PRKCA: variants seen among roughly 807,000 people sequenced by gnomAD.
PRKCA encodes the protein protein kinase C alpha type.
In PRKCA, 27 loss-of-function variants were observed where a neutral mutation model predicts 87.0. The ratio of observed to expected loss-of-function variants is 0.31; its 90% CI spans 0.23 to 0.43. The LOEUF is 0.43. Ranked by LOEUF, PRKCA falls within the 20% of genes least tolerant of loss-of-function variation. The probability of loss-of-function intolerance (pLI) is 1.00; values close to 1 mark genes in which losing one functional copy is unlikely to be tolerated. For missense variants in PRKCA, 518 were observed against 852.3 expected (o/e 0.61, Z 4.88); for synonymous variants, 329 against 311.1 (o/e 1.06, Z -0.61).
chr17:66,673,346 C>G (rs1281562400), intron 5 of PRKCA, among the ~76,000 whole-genome samples: 1 of 152,180 alleles, frequency 6.6e-6, no homozygotes, highest in South Asian at 2.1e-4. Context: ...CAGAAATTCA[C>G]TCTTATCACC....
chr17:66,364,604 T>C lies in PRKCA; in HGVS notation c.205+58477T>C, dbSNP rs549357630. The stretch of plus-strand genomic sequence containing the variant: ...TACCAGAAAAAGTAGCAAAAGTCAA[T>C]GTGATTGAAGTAGGGGGAGTGCGGG... On this transcript the variant is annotated intron_variant, in intron 2 of 16. Transcript: ENST00000413366. Among the ~76,000 whole-genome samples, 9 of 152,082 alleles carry C rather than the reference T, an allele frequency of 5.9e-5. No homozygotes were observed. In the South Asian group the frequency reaches 1.9e-3, roughly 32 times the overall value.
At chr17:66,514,501 G>C (rs1244339892) in intron 3 of PRKCA, among the ~76,000 whole-genome samples, 1 of 152,140 alleles carries the variant, frequency 6.6e-6, no homozygotes, top group Admixed American at 6.5e-5. Flanking sequence ...GCAGCGACTT[G>C]AACTGAATAG....
At chr17:66,411,388 A>G (rs1911796590) in intron 2 of PRKCA, among the ~76,000 whole-genome samples, 1 of 152,100 alleles carries the variant, frequency 6.6e-6, no homozygotes, top group Non-Finnish European at 1.5e-5. Flanking sequence ...AAGTCTTTAA[A>G]AACAGCAGTC....
At chr17:66,530,892 C>T (rs553374151) in intron 3 of PRKCA, among the ~76,000 whole-genome samples, 1 of 152,150 alleles carries the variant, frequency 6.6e-6, no homozygotes, top group Non-Finnish European at 1.5e-5. Flanking sequence ...CTACCTTGCC[C>T]CTGGTATGGA....
rs1177317680 is a variant in PRKCA, at chr17:66,758,291, A to C, written c.1524+15531A>C. ...AAGGGCTCTTTGCTTTCACAGAATC[A>C]TGCCAGGGTTTGTGTGTCAGAGTGG... On this transcript the variant is annotated intron_variant, in intron 13 of 16. Transcript: ENST00000413366. 1.1e-4 allele frequency among the ~76,000 whole-genome samples: 17 copies of C among 152,228 alleles called. 1 individual carries two copies. Among genetic ancestry groups the C allele is most frequent in the Non-Finnish European group, 2.2e-4 (15 of 68,040 alleles).
At chr17:66,386,055 C>A (rs554081952) in intron 2 of PRKCA, among the ~76,000 whole-genome samples, 1 of 152,336 alleles carries the variant, frequency 6.6e-6, no homozygotes, top group East Asian at 1.9e-4. Flanking sequence ...CCACCGCGCC[C>A]AGCCAGGCAC....
intron 2 of PRKCA, among the ~76,000 whole-genome samples, chr17:66,469,681 G>A (rs537115204): frequency 6.6e-6 from 1 of 152,236 alleles, no homozygotes; most frequent in African/African-American, 2.4e-5. Context: ...TTGTATTATT[G>A]AGGAAACATT....
chr17:66,407,291 T>A (rs1247559070), intron 2 of PRKCA, among the ~76,000 whole-genome samples: 2 of 151,876 alleles, frequency 1.3e-5, no homozygotes, highest in African/African-American at 2.4e-5. Context: ...CCTTTGTGGA[T>A]GGTTTAGCAC....
At chr17:66,318,418 T>G (rs1905443583) in intron 2 of PRKCA, among the ~76,000 whole-genome samples, 1 of 152,152 alleles carries the variant, frequency 6.6e-6, no homozygotes, top group Admixed American at 6.5e-5. Context: ...TTTTTCTTTT[T>G]TACTTATTTT....
intron 2 of PRKCA, among the ~76,000 whole-genome samples, chr17:66,424,439 C>T (rs998832658): frequency 2.6e-5 from 4 of 151,904 alleles, no homozygotes; most frequent in African/African-American, 9.7e-5. Flanking sequence ...ATGATGGCGG[C>T]ATCTGTAATC....
chr17:66,756,354 G>A (rs1974547633), intron 13 of PRKCA, among the ~76,000 whole-genome samples: 1 of 151,932 alleles, frequency 6.6e-6, no homozygotes. Context: ...AGAGGAGAGG[G>A]GGGAGACCAA....
chr17:66,650,265 G>C (rs1971556870), intron 5 of PRKCA, among the ~76,000 whole-genome samples: 1 of 152,180 alleles, frequency 6.6e-6, no homozygotes, highest in Admixed American at 6.5e-5. Flanking sequence ...CTAGCTTGGT[G>C]GGGTATTTAT....
intron 3 of PRKCA, among the ~76,000 whole-genome samples, chr17:66,511,241 G>T (rs573275994): frequency 2.8e-4 from 42 of 152,198 alleles, no homozygotes; most frequent in African/African-American, 8.9e-4. Context: ...TTTCATACTC[G>T]AAAATGATCT....
At chr17:66,443,254 A>AT (rs1319994734) in intron 2 of PRKCA, among the ~76,000 whole-genome samples, 2 of 152,116 alleles carry the variant, frequency 1.3e-5, no homozygotes, top group Non-Finnish European at 2.9e-5. Context: ...TGTTATAATG[A>AT]TGAGGGGGCC....
intron 5 of PRKCA, among the ~76,000 whole-genome samples, chr17:66,658,718 T>C (rs914989966): frequency 6.6e-6 from 1 of 152,202 alleles, no homozygotes; most frequent in Non-Finnish European, 1.5e-5. Flanking sequence ...TGTTACTCTA[T>C]TAATGGAGTT....
chr17:66,443,423 G>A (rs933278105), intron 2 of PRKCA, among the ~76,000 whole-genome samples: 1 of 152,222 alleles, frequency 6.6e-6, no homozygotes, highest in Non-Finnish European at 1.5e-5. Flanking sequence ...CTTCTTAGAT[G>A]TCGTTGTGTA....
intron 3 of PRKCA, among the ~76,000 whole-genome samples, chr17:66,554,342 G>T (rs536438711): frequency 1.6e-4 from 24 of 152,310 alleles, no homozygotes; most frequent in African/African-American, 5.5e-4. Context: ...GAGCCATGGA[G>T]CCCAGGCTGT....
chr17:66,377,913 C>G (rs1909562895), intron 2 of PRKCA, among the ~76,000 whole-genome samples: 1 of 151,622 alleles, frequency 6.6e-6, no homozygotes. Flanking sequence ...GCCCCTATCC[C>G]TGGCCTGCTG....
intron 3 of PRKCA, among the ~76,000 whole-genome samples, chr17:66,563,516 A>C (rs978624821): frequency 1.3e-5 from 2 of 152,116 alleles, no homozygotes; most frequent in African/African-American, 4.8e-5. Context: ...ATTTCTTTTT[A>C]GTGCTAAATC....
Sources: gnomAD v4.1 joint callset for allele counts (sites outside exome capture counted in the v4.1 genomes callset) on GRCh38, gnomAD v4.1.1 for gene constraint, MANE v1.5 for transcripts, NCBI Gene and HGNC (gene_info 2026-07-23, HGNC 2026-07-21) for gene names.